UBE2H: variants seen among roughly 807,000 people sequenced by gnomAD.
UBE2H encodes the protein ubiquitin conjugating enzyme E2 H, also known as ubiquitin-conjugating enzyme E2 H.
A neutral mutation model predicts 29.0 loss-of-function variants in UBE2H; 3 were observed. The ratio of observed to expected loss-of-function variants is 0.10; its 90% confidence interval spans 0.05 to 0.27. The LOEUF is 0.27. Ranked by LOEUF, UBE2H falls within the 10% of genes least tolerant of loss-of-function variation. The pLI, the probability that UBE2H is intolerant of heterozygous loss-of-function variation, is 1.00. For missense variants in UBE2H, 68 were observed against 228.2 expected (o/e 0.30, Z 4.52); for synonymous variants, 69 against 82.9 (o/e 0.83, Z 0.91).
At chr7:129,864,551 TC>T (rs1805862283) in intron 3 of UBE2H, among the ~76,000 whole-genome samples, 2 of 67,386 alleles carry the variant, frequency 3.0e-5, no homozygotes, top group Non-Finnish European at 6.1e-5. Context: ...CTTTTTCTTT[TC>T]TTTCTTTTTT....
rs559310621 is a variant in UBE2H at position 129,843,475 on chromosome 7, C to T, written c.299-4140G>A. 3.3e-5 allele frequency among the ~76,000 whole-genome samples: 5 copies of T among 152,232 alleles called. No individual in the cohort carries two copies. The South Asian group carries it at 8.3e-4, about 25-fold the overall frequency. On this transcript the variant is annotated intron_variant, in intron 5 of 6. Transcript: ENST00000355621. ...ACAGAGCTTAAGTATGGATCAGGAA[C>T]TCAAACCTGAGCTCATCCACTATGC... is the stretch of plus-strand genomic sequence containing the variant.
At chr7:129,918,545 T>G (rs186588399) in intron 1 of UBE2H, among the ~76,000 whole-genome samples, 25 of 152,262 alleles carry the variant, frequency 1.6e-4, no homozygotes, top group Admixed American at 1.2e-3. Context: ...TTTATTAAAA[T>G]AGAGACAGGG....
At chr7:129,867,800 T>A (rs1584754038) in intron 3 of UBE2H, among the ~76,000 whole-genome samples, 3 of 142,366 alleles carry the variant, frequency 2.1e-5, no homozygotes, top group Non-Finnish European at 3.0e-5. Flanking sequence ...AAAAACATCC[T>A]GACTGCATTT....
intron 1 of UBE2H, among the ~76,000 whole-genome samples, chr7:129,938,126 C>T (rs1563052702): frequency 6.6e-6 from 1 of 151,958 alleles, no homozygotes; most frequent in South Asian, 2.1e-4. Flanking sequence ...AATAAAAATC[C>T]ATGGCCAGGC....
At chr7:129,948,137 G>C (rs2116534915) in intron 1 of UBE2H, among the ~76,000 whole-genome samples, 1 of 152,154 alleles carries the variant, frequency 6.6e-6, no homozygotes, top group East Asian at 1.9e-4. Context: ...TGGGATTACA[G>C]GCATAAGCCA....
At chr7:129,890,286 C>CAT (rs1563035866) in intron 1 of UBE2H, among the ~76,000 whole-genome samples, 1 of 149,770 alleles carries the variant, frequency 6.7e-6, no homozygotes, top group East Asian at 2.0e-4. Flanking sequence ...TATATATATA[C>CAT]ACGTGTATAT....
chr7:129,871,713 C>CAAAAAAAA (rs369901584), intron 3 of UBE2H, among the ~76,000 whole-genome samples: 22 of 124,300 alleles, frequency 1.8e-4, no homozygotes, highest in Non-Finnish European at 3.1e-4. Flanking sequence ...GACTCTGTAT[C>CAAAAAAAA]AAAAAAAAAA....
At position 129,834,073 on chromosome 7, in the gene UBE2H, AG is replaced by A. The variant is rs1805279389; in HGVS notation, c.*863del. ...CCTCATATTTAAAGCTCTTAAGTTC[AG>A]GGTAGCGGTCTCAAACTGCCAAACA... On this transcript the variant is annotated 3_prime_UTR_variant, in exon 7 of 7. Coordinates refer to ENST00000355621, the MANE Select transcript of UBE2H (RefSeq NM_003344.4). The A allele has an allele frequency of 6.6e-6, 1 of 152,198 alleles. No homozygotes were observed. Among genetic ancestry groups the A allele is most frequent in the Non-Finnish European group, 1.5e-5 (1 of 68,054 alleles). 9.4% of individuals were successfully genotyped at this position (152,198 alleles called of 1,614,324 possible). A position where few individuals can be genotyped will look rare whatever the true frequency, so the allele number is the denominator to read the frequency against.
At chr7:129,931,834 T>C (rs1218266782) in intron 1 of UBE2H, among the ~76,000 whole-genome samples, 2 of 148,878 alleles carry the variant, frequency 1.3e-5, no homozygotes, top group African/African-American at 4.9e-5. Context: ...TGTTCTACTT[T>C]GCTTTTTTTT....
intron 1 of UBE2H, among the ~76,000 whole-genome samples, chr7:129,942,271 ACACCTGTAAT>A (rs1807662441): frequency 6.7e-6 from 1 of 149,766 alleles, no homozygotes; most frequent in Non-Finnish European, 1.5e-5. Context: ...GCGGTGGCTC[ACACCTGTAAT>A]CCCAGCACTC....
chr7:129,847,418 A>C (rs1274085361), intron 5 of UBE2H, among the ~76,000 whole-genome samples: 2 of 152,118 alleles, frequency 1.3e-5, no homozygotes, highest in African/African-American at 4.8e-5. Context: ...GAGGCTAAGG[A>C]GGGAGGATCA....
At chr7:129,894,724 GGT>G in intron 1 of UBE2H, among the ~76,000 whole-genome samples, 1 of 151,890 alleles carries the variant, frequency 6.6e-6, no homozygotes, top group African/African-American at 2.4e-5. Context: ...CCTGACCTCA[GGT>G]GATCCACTGG....
chr7:129,949,059 T>A lies in UBE2H; in HGVS notation c.53+3444A>T, dbSNP rs200997842. The A allele has an allele frequency of 3.0e-3, 1,379 of 456,550 alleles. 5 individuals are homozygous for A. Among genetic ancestry groups the A allele is most frequent in the Non-Finnish European group, 4.7e-3 (1,076 of 226,884 alleles). 28.3% of individuals were successfully genotyped at this position (456,550 alleles called of 1,614,324 possible). ...CGGTGCCTGCGGCCTTTTGCCTGCATACGCTTTTCCAAAACAAGCAGCTCT... is the reference window on the plus strand; with the variant it reads ...CGGTGCCTGCGGCCTTTTGCCTGCAAACGCTTTTCCAAAACAAGCAGCTCT... On this transcript the variant is annotated intron_variant, in intron 1 of 6. Coordinates refer to ENST00000355621, the MANE Select transcript of UBE2H (RefSeq NM_003344.4).
At chr7:129,902,009 A>C (rs1435693580) in intron 1 of UBE2H, among the ~76,000 whole-genome samples, 1 of 152,208 alleles carries the variant, frequency 6.6e-6, no homozygotes, top group African/African-American at 2.4e-5. Flanking sequence ...TGAGACAACA[A>C]GTAATTGTCC....
rs551737282 is a variant in UBE2H, at chr7:129,832,509, C to CTCT, written c.*2425_*2427dup. On this transcript the variant is annotated 3_prime_UTR_variant, in exon 7 of 7. Transcript: ENST00000355621. ...ATGTGCACACATACACACACTCTCT[C>CTCT]TCTCTGCAGCCACACTCAAATCTGC... 1.9e-4 allele frequency: 28 copies of CTCT among 151,148 alleles called. No homozygotes were observed. The East Asian group carries it at 5.1e-3, about 27-fold the overall frequency. The allele number at this position is 151,148 out of a possible 1,614,324, so 9.4% of individuals were successfully genotyped here. A position where few individuals can be genotyped will look rare whatever the true frequency, so the allele number is the denominator to read the frequency against.
intron 3 of UBE2H, among the ~76,000 whole-genome samples, chr7:129,866,471 G>C (rs1215454910): frequency 6.6e-6 from 1 of 152,062 alleles, no homozygotes; most frequent in East Asian, 1.9e-4. Context: ...CGATCGCTGG[G>C]TCGTTCATAT....
intron 2 of UBE2H, among the ~76,000 whole-genome samples, 179 bp from the exon 3 acceptor site, chr7:129,879,821 G>A (rs1191930690): frequency 6.6e-6 from 1 of 152,104 alleles, no homozygotes; most frequent in Non-Finnish European, 1.5e-5. Context: ...ACTTTTCTTG[G>A]AAAGATCCAG....
intron 1 of UBE2H, among the ~76,000 whole-genome samples, chr7:129,918,334 G>A (rs1295548267): frequency 2.0e-5 from 3 of 151,384 alleles, no homozygotes; most frequent in Non-Finnish European, 4.4e-5. Flanking sequence ...GTATCCTCAT[G>A]AAAGACATTG....
chr7:129,924,735 TA>T (rs1444499550), intron 1 of UBE2H, among the ~76,000 whole-genome samples: 1 of 151,960 alleles, frequency 6.6e-6, no homozygotes, highest in African/African-American at 2.4e-5. Context: ...ACCAACTCCT[TA>T]TTTGATAGAT....
Sources: gnomAD v4.1 joint callset for allele counts (sites outside exome capture counted in the v4.1 genomes callset) on GRCh38, gnomAD v4.1.1 for gene constraint, MANE v1.5 for transcripts, NCBI Gene and HGNC (gene_info 2026-07-23, HGNC 2026-07-21) for gene names.